ACVR1C: variants seen among roughly 807,000 people sequenced by gnomAD.
The protein encoded by ACVR1C is activin receptor type-1C.
ACVR1C carries 23 observed loss-of-function variants against 57.9 expected under a neutral mutation model. The ratio of observed to expected loss-of-function variants is 0.40; its 90% CI spans 0.29 to 0.56. ACVR1C has a LOEUF of 0.56. Among genes scored for constraint, ACVR1C ranks in the 20% least tolerant of loss-of-function variants. The probability of loss-of-function intolerance (pLI) is 0.50; values close to 1 mark genes in which losing one functional copy is unlikely to be tolerated. For missense variants in ACVR1C, 480 were observed against 607.9 expected (o/e 0.79, Z 2.21); for synonymous variants, 214 against 215.3 (o/e 0.99, Z 0.05).
chr2:157,559,360 T>C (rs1688182019), intron 2 of ACVR1C, among the ~76,000 whole-genome samples: 2 of 152,144 alleles, frequency 1.3e-5, no homozygotes, highest in African/African-American at 4.8e-5. Context: ...AAAGCAAACA[T>C]TTGTAAAACT....
chr2:157,604,350 C>T (rs1038306621), intron 1 of ACVR1C, among the ~76,000 whole-genome samples: 3 of 152,012 alleles, frequency 2.0e-5, no homozygotes, highest in Non-Finnish European at 4.4e-5. Context: ...TTCAGAATGT[C>T]AAACGAATGC....
rs534791697 is a variant in ACVR1C, at chr2:157,602,662, TC to T, written c.74-15246del. Among the ~76,000 whole-genome samples the T allele has an allele frequency of 5.9e-5, 9 of 152,278 alleles. No individual in the cohort carries two copies. In the South Asian group the frequency reaches 1.7e-3, roughly 28 times the overall value. ...AACACCCCCAAATCAAGTAATATCC[TC>T]CTTTTTAGTAATATTTATTTAGGTT... On this transcript the variant is annotated intron_variant, in intron 1 of 8. Transcript: ENST00000243349.
intron 3 of ACVR1C, among the ~76,000 whole-genome samples, chr2:157,550,977 G>C (rs1053813071): frequency 1.3e-5 from 2 of 152,226 alleles, no homozygotes; most frequent in South Asian, 2.1e-4. Context: ...AATATATCCT[G>C]AATGTATGTA....
chr2:157,618,861 G>C (rs1029892135), intron 1 of ACVR1C, among the ~76,000 whole-genome samples: 3 of 151,658 alleles, frequency 2.0e-5, no homozygotes, highest in African/African-American at 4.8e-5. Flanking sequence ...AATCCTAATT[G>C]TGTATGTACC....
chr2:157,549,405 T>C (rs906997111), intron 4 of ACVR1C, among the ~76,000 whole-genome samples: 22 of 152,102 alleles, frequency 1.4e-4, no homozygotes, highest in African/African-American at 4.8e-4. Context: ...TCCTTTGCCC[T>C]AGACACCCTG....
intron 8 of ACVR1C, among the ~76,000 whole-genome samples, chr2:157,536,592 C>T (rs1176315385): frequency 6.6e-6 from 1 of 152,072 alleles, no homozygotes; most frequent in Non-Finnish European, 1.5e-5. Context: ...AAAATAAAGA[C>T]ATTTTGGATA....
intron 2 of ACVR1C, among the ~76,000 whole-genome samples, chr2:157,572,492 C>T (rs986007768): frequency 5.3e-5 from 8 of 152,088 alleles, no homozygotes; most frequent in African/African-American, 1.9e-4. Context: ...TTTGACCTAG[C>T]TCACATATAG....
At chr2:157,593,688 C>A (rs1682002438) in intron 1 of ACVR1C, among the ~76,000 whole-genome samples, 2 of 152,106 alleles carry the variant, frequency 1.3e-5, no homozygotes, top group Admixed American at 6.5e-5. Context: ...CAGACAGGGT[C>A]AAAGGAAATC....
In ACVR1C at chr2:157,564,850, C is replaced by T. The variant is rs1043404039; in HGVS notation, c.305-8518G>A. Among the ~76,000 whole-genome samples, 4 of 152,126 alleles carry T rather than the reference C, an allele frequency of 2.6e-5. No homozygotes were observed. In the South Asian group the frequency reaches 8.3e-4, roughly 31 times the overall value. ...GGCCATCATCCTCAGCAAACTAATA[C>T]AGCAACAGAAAATCAAACACCACAT... On this transcript the variant is annotated intron_variant, in intron 2 of 8. Coordinates refer to ENST00000243349, the MANE Select transcript of ACVR1C (RefSeq NM_145259.3).
At chr2:157,543,766 TA>T (rs1209505773) in intron 5 of ACVR1C, among the ~76,000 whole-genome samples, 2 of 152,174 alleles carry the variant, frequency 1.3e-5, no homozygotes, top group Non-Finnish European at 2.9e-5. Flanking sequence ...GATATACAAA[TA>T]TTTTTTTCAA....
chr2:157,622,574 T>C (rs1335988833), intron 1 of ACVR1C, among the ~76,000 whole-genome samples: 1 of 152,188 alleles, frequency 6.6e-6, no homozygotes, highest in East Asian at 1.9e-4. Context: ...TGCAGAAGAA[T>C]GTAACTAGAC....
intron 2 of ACVR1C, among the ~76,000 whole-genome samples, chr2:157,579,633 C>G (rs1438891362): frequency 1.3e-5 from 2 of 152,114 alleles, no homozygotes; most frequent in Admixed American, 6.5e-5. Context: ...CTGGTATATG[C>G]TCTTTCCTGT....
At chr2:157,581,233 G>A (rs1688782431) in intron 2 of ACVR1C, among the ~76,000 whole-genome samples, 1 of 151,848 alleles carries the variant, frequency 6.6e-6, no homozygotes, top group African/African-American at 2.4e-5. Flanking sequence ...AAAAACACAA[G>A]GAAAGAAGTC....
intron 1 of ACVR1C, among the ~76,000 whole-genome samples, chr2:157,593,136 G>A (rs1270876564): frequency 1.3e-5 from 2 of 152,028 alleles, no homozygotes; most frequent in African/African-American, 4.8e-5. Flanking sequence ...TAAAGGATGT[G>A]CACATTCCTA....
At position 157,554,271 on chromosome 2, in the gene ACVR1C, GGAAGGAAGGA is replaced by G. The variant is rs1188028106; in HGVS notation, c.544+1812_544+1821del. On this transcript the variant is annotated intron_variant, in intron 3 of 8. Coordinates refer to ENST00000243349, the MANE Select transcript of ACVR1C (RefSeq NM_145259.3). ...AGAAAGAAAGAAAGAAAGAAAGAAAGGAAGGAAGGAAGAGAGAGAGAGAGAGAAAGAAAGA... is the reference window on the plus strand; with the variant it reads ...AGAAAGAAAGAAAGAAAGAAAGAAAGAGAGAGAGAGAGAGAGAAAGAAAGA... 5.5e-4 allele frequency among the ~76,000 whole-genome samples: 67 copies of G among 121,112 alleles called. 2 individuals carry two copies. The highest frequency in any genetic ancestry group is 2.3e-3 in the African/African-American group (62 of 26,700). The allele number at this position is 121,112 out of a possible 152,430, so 79.5% of individuals were successfully genotyped here. A position where few individuals can be genotyped will look rare whatever the true frequency, so the allele number is the denominator to read the frequency against.
chr2:157,581,885 C>T (rs895581068), intron 2 of ACVR1C, among the ~76,000 whole-genome samples: 2 of 152,320 alleles, frequency 1.3e-5, no homozygotes, highest in African/African-American at 4.8e-5. Flanking sequence ...TTTGTGATCA[C>T]TTTGAAATTG....
chr2:157,588,264 CACAA>C (rs1020272431), intron 1 of ACVR1C, among the ~76,000 whole-genome samples: 9 of 144,086 alleles, frequency 6.2e-5, no homozygotes, highest in Non-Finnish European at 1.4e-4. Flanking sequence ...CACACACACA[CACAA>C]ACACATTCAC....
At chr2:157,612,613 G>C (rs9941511) in intron 1 of ACVR1C, among the ~76,000 whole-genome samples, 1 of 151,790 alleles carries the variant, frequency 6.6e-6, no homozygotes, top group African/African-American at 2.4e-5. Flanking sequence ...GCTGGGGACA[G>C]GGTTAATTCT....
intron 1 of ACVR1C, among the ~76,000 whole-genome samples, chr2:157,625,831 A>G (rs1042043385): frequency 3.9e-5 from 6 of 152,166 alleles, no homozygotes; most frequent in African/African-American, 1.4e-4. Flanking sequence ...CAAAGTAGAG[A>G]ACTCCAGGAC....
Sources: gnomAD v4.1 joint callset for allele counts (sites outside exome capture counted in the v4.1 genomes callset) on GRCh38, gnomAD v4.1.1 for gene constraint, MANE v1.5 for transcripts, NCBI Gene and HGNC (gene_info 2026-07-23, HGNC 2026-07-21) for gene names.